The following CACNA2D3 variants were observed in gnomAD, a reference collection of about 807,000 sequenced individuals.
The protein encoded by CACNA2D3 is calcium voltage-gated channel auxiliary subunit alpha2delta 3.
Under a neutral mutation model 160.6 loss-of-function variants are expected in CACNA2D3, and 60 were observed. That is an observed-to-expected ratio of 0.37 (90% CI 0.30 to 0.46). CACNA2D3 has a LOEUF of 0.46. Among genes scored for constraint, CACNA2D3 ranks in the 20% least tolerant of loss-of-function variants. The pLI, the probability that CACNA2D3 is intolerant of heterozygous loss-of-function variation, is 1.00. For synonymous variants in CACNA2D3, 558 were observed against 492.9 expected (o/e 1.13, Z -1.75); for missense variants, 1,205 against 1,365.0 (o/e 0.88, Z 1.85).
At chr3:54,954,519 G>A (rs566441461) in intron 27 of CACNA2D3, among the ~76,000 whole-genome samples, 13 of 152,346 alleles carry the variant, frequency 8.5e-5, no homozygotes, top group Middle Eastern at 3.4e-3. Flanking sequence ...ATATCTTTCT[G>A]TCGGGGTCTA....
chr3:54,876,267 A>T (rs1342113027), intron 18 of CACNA2D3: 1 of 152,162 alleles, frequency 6.6e-6, no homozygotes, highest in Non-Finnish European at 1.5e-5. Flanking sequence ...GGTGCCACTC[A>T]CTGTGATTCT....
chr3:54,362,181 C>A (rs9868577), intron 3 of CACNA2D3, among the ~76,000 whole-genome samples: 43 of 152,202 alleles, frequency 2.8e-4, no homozygotes, highest in African/African-American at 9.4e-4. Context: ...AGCTGGTTTT[C>A]CTGCTCACTG....
At chr3:54,154,077 A>G (rs574197387) in intron 2 of CACNA2D3, among the ~76,000 whole-genome samples, 2 of 152,188 alleles carry the variant, frequency 1.3e-5, no homozygotes, top group Non-Finnish European at 2.9e-5. Flanking sequence ...TAGGATTTAT[A>G]TGCATATTTT....
chr3:54,902,742 G>A (rs1700365366), intron 27 of CACNA2D3, among the ~76,000 whole-genome samples: 1 of 152,194 alleles, frequency 6.6e-6, no homozygotes, highest in Non-Finnish European at 1.5e-5. Context: ...TAAATGTGTG[G>A]TCTTGGGTCT....
intron 5 of CACNA2D3, among the ~76,000 whole-genome samples, chr3:54,542,208 C>T (rs897498454): frequency 4.6e-5 from 7 of 151,786 alleles, no homozygotes; most frequent in South Asian, 4.2e-4. Flanking sequence ...ATTACAGGCA[C>T]GTACCACCAC....
At chr3:54,146,886 T>G (rs1355924788) in intron 2 of CACNA2D3, among the ~76,000 whole-genome samples, 3 of 152,234 alleles carry the variant, frequency 2.0e-5, no homozygotes, top group African/African-American at 7.2e-5. Flanking sequence ...TTGTGGACAC[T>G]GCCAGGCTGC....
At chr3:54,883,874 C>T (rs1339803603) in intron 21 of CACNA2D3, among the ~76,000 whole-genome samples, 2 of 145,128 alleles carry the variant, frequency 1.4e-5, no homozygotes, top group Non-Finnish European at 3.0e-5. Flanking sequence ...TGTTCTTGTT[C>T]CATGTTCTCT....
chr3:54,123,247 A>G (rs1161378645), intron 1 of CACNA2D3, among the ~76,000 whole-genome samples: 2 of 152,064 alleles, frequency 1.3e-5, no homozygotes, highest in African/African-American at 4.8e-5. Flanking sequence ...AGTGGTTCGA[A>G]TGAAACTCAG....
chr3:54,794,607 T>TC (rs1468128555), intron 13 of CACNA2D3, among the ~76,000 whole-genome samples: 2 of 143,230 alleles, frequency 1.4e-5, no homozygotes, highest in Admixed American at 6.8e-5. Flanking sequence ...TCAGATATAT[T>TC]TTTTTTTTTT....
At chr3:54,128,214 C>A (rs1201897193) in intron 2 of CACNA2D3, among the ~76,000 whole-genome samples, 1 of 152,112 alleles carries the variant, frequency 6.6e-6, no homozygotes, top group Non-Finnish European at 1.5e-5. Flanking sequence ...CACATGAATA[C>A]CAAACCACCT....
chr3:55,069,249 G>A (rs1055229378), intron 35 of CACNA2D3, among the ~76,000 whole-genome samples: 2 of 151,914 alleles, frequency 1.3e-5, no homozygotes, highest in Non-Finnish European at 2.9e-5. Flanking sequence ...TTACTCTTCT[G>A]AAAGAATCCT....
chr3:54,649,430 G>A (rs549859305), intron 11 of CACNA2D3, among the ~76,000 whole-genome samples: 3 of 152,290 alleles, frequency 2.0e-5, no homozygotes, highest in Admixed American at 6.5e-5. Context: ...ACAGAGGCTC[G>A]GGAAATCAGA....
intron 4 of CACNA2D3, among the ~76,000 whole-genome samples, chr3:54,464,380 G>T (rs994024619): frequency 2.0e-5 from 3 of 152,212 alleles, no homozygotes; most frequent in Non-Finnish European, 4.4e-5. Flanking sequence ...CCCAGAGGTG[G>T]AGCCTACAGA....
intron 14 of CACNA2D3, among the ~76,000 whole-genome samples, chr3:54,819,629 G>A (rs993526631): frequency 2.0e-5 from 3 of 152,146 alleles, no homozygotes; most frequent in African/African-American, 4.8e-5. Flanking sequence ...GGTGGATTAC[G>A]AGGTCAGGAG....
intron 2 of CACNA2D3, among the ~76,000 whole-genome samples, chr3:54,290,619 T>C (rs4928035): frequency 0.33 from 47,892 of 145,442 alleles, 7,964 homozygotes; most frequent in African/African-American, 0.47. Context: ...CGTATGTTTA[T>C]TGCGGCACTA....
intron 31 of CACNA2D3, among the ~76,000 whole-genome samples, chr3:55,003,541 A>G (rs1395263205): frequency 6.6e-6 from 1 of 152,198 alleles, no homozygotes; most frequent in Admixed American, 6.5e-5. Context: ...ATGGTTACCC[A>G]GTAACCCAAT....
At chr3:54,267,664 C>T (rs989546113) in intron 2 of CACNA2D3, among the ~76,000 whole-genome samples, 4 of 152,070 alleles carry the variant, frequency 2.6e-5, no homozygotes, top group Admixed American at 1.3e-4. Context: ...AAAAGAACAC[C>T]CAATCCCTGG....
chr3:54,594,000 C>CA (rs1253766982), intron 9 of CACNA2D3, among the ~76,000 whole-genome samples: 2 of 152,034 alleles, frequency 1.3e-5, no homozygotes, highest in African/African-American at 4.8e-5. Flanking sequence ...TGATGAAATG[C>CA]ATTTGTTTGA....
At chr3:54,419,533 A>G (rs1318167594) in intron 4 of CACNA2D3, among the ~76,000 whole-genome samples, 1 of 152,202 alleles carries the variant, frequency 6.6e-6, no homozygotes. Context: ...TATGATTGCC[A>G]CAAGTATCCT....
Sources: allele counts gnomAD v4.1 joint callset (sites outside exome capture counted in the v4.1 genomes callset), GRCh38; gene constraint gnomAD v4.1.1; transcripts MANE v1.5; gene names NCBI Gene and HGNC (gene_info 2026-07-23, HGNC 2026-07-21).